The following OR52I2 variants were observed in gnomAD, a reference collection of about 807,000 sequenced individuals.
OR52I2 encodes the protein olfactory receptor 52I2.
For missense variants in OR52I2, 350 were observed against 402.4 expected (o/e 0.87, Z 1.11); for synonymous variants, 147 against 151.9 (o/e 0.97, Z 0.24).
exon 2 of OR52I2, chr11:4,587,279 T>C (rs1372827303): frequency 6.2e-7 from 1 of 1,613,932 alleles, no homozygotes; most frequent in Non-Finnish European, 8.5e-7. Flanking sequence ...TATGTAGCCA[T>C]CTGCAAGCCT....
exon 2 of OR52I2, chr11:4,588,973 TCCTA>T (rs1014757920): frequency 3.9e-5 from 6 of 152,234 alleles, no homozygotes; most frequent in African/African-American, 7.2e-5. Flanking sequence ...CTTTCACAAA[TCCTA>T]CCTATCATGG....
chr11:4,593,230 T>G (rs1256652339), exon 2 of OR52I2: 1 of 152,604 alleles, frequency 6.6e-6, no homozygotes, highest in African/African-American at 2.4e-5. Flanking sequence ...CCATAACAAC[T>G]TATTGGGGAG....
At chr11:4,586,206 T>G (rs1400084709) in intron 1 of OR52I2, among the ~76,000 whole-genome samples, 1 of 152,222 alleles carries the variant, frequency 6.6e-6, no homozygotes, top group African/African-American at 2.4e-5. Context: ...TGTTCTCTAA[T>G]GATCTTATTT....
exon 2 of OR52I2, chr11:4,589,543 T>C (rs1846335303): frequency 6.6e-6 from 1 of 152,254 alleles, no homozygotes; most frequent in African/African-American, 2.4e-5. Context: ...TACAGGGCTG[T>C]CTAGGTGTGG....
At chr11:4,588,262 G>C (rs1279610286) in exon 2 of OR52I2, 4 of 182,046 alleles carry the variant, frequency 2.2e-5, no homozygotes, top group Admixed American at 1.6e-4. Flanking sequence ...CTTAGGATCT[G>C]GGGAACTGAG....
At chr11:4,588,150 G>A (rs1418583452) in exon 2 of OR52I2, 9 of 379,482 alleles carry the variant, frequency 2.4e-5, no homozygotes, top group Non-Finnish European at 3.8e-5. Flanking sequence ...AGGTTAGGCT[G>A]AGGAAGGCAC....
chr11:4,585,719 A>G (rs1846295125), intron 1 of OR52I2, among the ~76,000 whole-genome samples: 1 of 152,176 alleles, frequency 6.6e-6, no homozygotes, highest in African/African-American at 2.4e-5. Flanking sequence ...TTGACTATCC[A>G]TATTGGGCTG....
exon 2 of OR52I2, chr11:4,587,724 A>C: frequency 6.2e-7 from 1 of 1,614,172 alleles, no homozygotes; most frequent in Non-Finnish European, 8.5e-7. Context: ...TGCACACCCA[A>C]GTCCTGCTAG....
exon 2 of OR52I2, chr11:4,591,596 G>T (rs995364374): frequency 1.3e-5 from 2 of 152,202 alleles, no homozygotes; most frequent in Non-Finnish European, 2.9e-5. Context: ...GAGATTCTAA[G>T]TCCAGGTCTG....
chr11:4,586,557 A>G (rs911936193), intron 1 of OR52I2, among the ~76,000 whole-genome samples: 3 of 152,206 alleles, frequency 2.0e-5, no homozygotes, highest in Admixed American at 1.3e-4. Flanking sequence ...ACAATGATCA[A>G]TTTAGTCTCT....
chr11:4,587,421 G>T, exon 2 of OR52I2: 1 of 1,614,062 alleles, frequency 6.2e-7, no homozygotes, highest in East Asian at 2.2e-5. Context: ...GCTCCAATGT[G>T]GTTGTCCACT....
chr11:4,591,455 A>T (rs1328589510), exon 2 of OR52I2: 2 of 152,182 alleles, frequency 1.3e-5, no homozygotes, highest in Non-Finnish European at 2.9e-5. Flanking sequence ...ATATATGACT[A>T]CTGTTATGTC....
exon 2 of OR52I2, chr11:4,590,202 T>C (rs1846340370): frequency 6.6e-6 from 1 of 152,222 alleles, no homozygotes; most frequent in South Asian, 2.1e-4. Context: ...GATTTGTGCA[T>C]TTCCCATTAT....
chr11:4,591,869 A>G (rs1846352870), exon 2 of OR52I2: 1 of 152,202 alleles, frequency 6.6e-6, no homozygotes, highest in Admixed American at 6.5e-5. Flanking sequence ...AATAGCAACA[A>G]AGCAAACAAA....
chr11:4,591,126 T>C (rs1195751632), exon 2 of OR52I2: 1 of 152,094 alleles, frequency 6.6e-6, no homozygotes, highest in African/African-American at 2.4e-5. Context: ...AGGATTAGGA[T>C]TGAGAACCTG....
rs74234633 is a variant in OR52I2 at position 4,582,781 on chromosome 11, G to A, written c.-20+917G>A. Among the ~76,000 whole-genome samples the A allele has an allele frequency of 6.2e-4, 95 of 152,138 alleles. No individual in the cohort carries two copies. In the East Asian group the frequency reaches 0.018, roughly 29 times the overall value. On this transcript the variant is annotated intron_variant, in intron 1 of 1. Transcript: ENST00000641896. The stretch of plus-strand genomic sequence containing the variant: ...GGTGATTGGCCCTCCAGATCTGCAC[G>A]TGAATGTTTCCACAGGATTAAAAAC...
At chr11:4,589,389 C>T (rs915337832) in exon 2 of OR52I2, 1 of 152,198 alleles carries the variant, frequency 6.6e-6, no homozygotes, top group Non-Finnish European at 1.5e-5. Context: ...GAAATGTGGA[C>T]TATGAGGCAT....
chr11:4,588,947 C>A (rs1410491563), exon 2 of OR52I2: 1 of 152,154 alleles, frequency 6.6e-6, no homozygotes, highest in Non-Finnish European at 1.5e-5. Context: ...TGTTATGATG[C>A]CTGGCACTTA....
intron 1 of OR52I2, among the ~76,000 whole-genome samples, chr11:4,584,018 T>G (rs2133185155): frequency 6.6e-6 from 1 of 152,332 alleles, no homozygotes; most frequent in African/African-American, 2.4e-5. Context: ...TCCATTAATC[T>G]GATCTATTTC....
Sources: gnomAD v4.1 joint callset for allele counts (sites outside exome capture counted in the v4.1 genomes callset) on GRCh38, gnomAD v4.1.1 for gene constraint, MANE v1.5 for transcripts, NCBI Gene and HGNC (gene_info 2026-07-23, HGNC 2026-07-21) for gene names.